The following IMMP2L variants were observed in gnomAD, a reference collection of about 807,000 sequenced individuals.
IMMP2L encodes inner mitochondrial membrane peptidase subunit 2.
A neutral mutation model predicts 19.3 loss-of-function variants in IMMP2L; 18 were observed. That is an observed-to-expected ratio of 0.93 (90% CI 0.64 to 1.38). The LOEUF (loss-of-function observed/expected upper bound fraction) is 1.38. Ranked by LOEUF, IMMP2L falls within the 40% of genes most tolerant of loss-of-function variation. IMMP2L has a pLI of 0.00. For synonymous variants in IMMP2L, 76 were observed against 73.0 expected, an observed-to-expected ratio of 1.04 and a Z score of -0.21; for missense variants, 233 against 218.2, an observed-to-expected ratio of 1.07 and a Z score of -0.43.
At chr7:110,843,440 A>G (rs1399838279) in intron 5 of IMMP2L, among the ~76,000 whole-genome samples, 1 of 152,128 alleles carries the variant, frequency 6.6e-6, no homozygotes, top group East Asian at 1.9e-4. Flanking sequence ...CTAGATAAAC[A>G]TGGGGCATTG....
chr7:111,358,082 T>C (rs753357528), intron 3 of IMMP2L, among the ~76,000 whole-genome samples: 10 of 151,234 alleles, frequency 6.6e-5, no homozygotes, highest in Non-Finnish European at 1.2e-4. Context: ...AGATTCAGAG[T>C]ACATAATCAT....
chr7:111,126,805 T>C (rs555359299), intron 3 of IMMP2L, among the ~76,000 whole-genome samples: 1 of 152,320 alleles, frequency 6.6e-6, no homozygotes, highest in East Asian at 1.9e-4. Context: ...AAATTGTTTA[T>C]CTCTCAAAGT....
intron 5 of IMMP2L, among the ~76,000 whole-genome samples, chr7:110,669,830 C>T (rs1263418120): frequency 2.6e-5 from 4 of 152,034 alleles, no homozygotes; most frequent in Non-Finnish European, 4.4e-5. Context: ...TTCTGGCAGT[C>T]CAAGGGGGTG....
intron 3 of IMMP2L, among the ~76,000 whole-genome samples, chr7:111,114,562 C>A (rs376302001): frequency 1.3e-4 from 20 of 151,622 alleles, no homozygotes; most frequent in African/African-American, 4.8e-4. Flanking sequence ...ATGGTGAAAC[C>A]CCATCTGTAC....
chr7:111,387,051 T>A (rs1197548367), intron 3 of IMMP2L, among the ~76,000 whole-genome samples: 1 of 152,188 alleles, frequency 6.6e-6, no homozygotes, highest in Non-Finnish European at 1.5e-5. Context: ...AATACTTCTA[T>A]CTATCTGTTG....
chr7:111,404,691 A>C (rs1833767725), intron 3 of IMMP2L, among the ~76,000 whole-genome samples: 1 of 152,152 alleles, frequency 6.6e-6, no homozygotes, highest in Non-Finnish European at 1.5e-5. Context: ...CACCCTAAAA[A>C]TAAAGTTTAT....
intron 3 of IMMP2L, among the ~76,000 whole-genome samples, chr7:111,129,560 T>C (rs1801653338): frequency 2.6e-5 from 4 of 152,154 alleles, no homozygotes; most frequent in African/African-American, 9.6e-5. Flanking sequence ...TGCTTCTATA[T>C]ATCATTTTAC....
At chr7:111,465,124 G>GT (rs895121585) in intron 3 of IMMP2L, among the ~76,000 whole-genome samples, 5 of 152,078 alleles carry the variant, frequency 3.3e-5, no homozygotes, top group Non-Finnish European at 5.9e-5. Context: ...ATTTTCCTAT[G>GT]TAAACTACCC....
intron 3 of IMMP2L, among the ~76,000 whole-genome samples, chr7:111,345,915 T>A (rs1324664505): frequency 6.6e-6 from 1 of 152,196 alleles, no homozygotes; most frequent in Non-Finnish European, 1.5e-5. Context: ...ACTGAATTCA[T>A]CTTCCACATC....
intron 3 of IMMP2L, among the ~76,000 whole-genome samples, chr7:111,414,095 AC>A (rs1834727666): frequency 6.6e-6 from 1 of 151,720 alleles, no homozygotes; most frequent in African/African-American, 2.4e-5. Flanking sequence ...TTTGCAGTGA[AC>A]TTGACCCCCT....
chr7:111,058,589 G>A (rs1793725974), intron 3 of IMMP2L, among the ~76,000 whole-genome samples: 1 of 152,108 alleles, frequency 6.6e-6, no homozygotes, highest in African/African-American at 2.4e-5. Context: ...GATGATTAGA[G>A]ATGAAAGAAT....
intron 1 of IMMP2L, among the ~76,000 whole-genome samples, chr7:111,524,157 C>G (rs1182495296): frequency 6.6e-6 from 1 of 152,022 alleles, no homozygotes; most frequent in African/African-American, 2.4e-5. Flanking sequence ...TCTGAAAACA[C>G]TTCTAACCAC....
intron 3 of IMMP2L, among the ~76,000 whole-genome samples, chr7:111,224,923 C>G (rs1283119359): frequency 6.6e-6 from 1 of 151,976 alleles, no homozygotes; most frequent in East Asian, 1.9e-4. Flanking sequence ...AATCTTAGTT[C>G]CATTATATCT....
intron 5 of IMMP2L, among the ~76,000 whole-genome samples, chr7:110,703,667 T>C (rs1794445133): frequency 1.3e-5 from 2 of 152,146 alleles, no homozygotes; most frequent in Admixed American, 1.3e-4. Context: ...ACAGTATCAT[T>C]GGAAGCAGAA....
chr7:111,101,050 C>T lies in IMMP2L; in HGVS notation c.240-137485G>A, dbSNP rs191539128. Among the ~76,000 whole-genome samples the T allele has an allele frequency of 3.2e-3, 478 of 151,582 alleles. 6 individuals carry two copies. The highest frequency in any genetic ancestry group is 0.029 in the Admixed American group (442 of 15,144). ...ATGGTAACTCCTCCTCCTTGATCAC[C>T]ACATTCTGCCTCCACACCTGCTAGC... On this transcript the variant is annotated intron_variant, in intron 3 of 5. Coordinates refer to ENST00000405709, the MANE Select transcript of IMMP2L (RefSeq NM_032549.4).
chr7:111,266,097 C>G (rs1195818860), intron 3 of IMMP2L, among the ~76,000 whole-genome samples: 1 of 152,154 alleles, frequency 6.6e-6, no homozygotes, highest in African/African-American at 2.4e-5. Flanking sequence ...ATTTTACTTA[C>G]TTAGTTTATT....
At chr7:111,040,490 G>T (rs1791788492) in intron 3 of IMMP2L, among the ~76,000 whole-genome samples, 1 of 151,656 alleles carries the variant, frequency 6.6e-6, no homozygotes, top group South Asian at 2.1e-4. Flanking sequence ...AACAATTACA[G>T]CAAAGGGAGT....
chr7:111,182,418 G>A (rs1033365922), intron 3 of IMMP2L, among the ~76,000 whole-genome samples: 1 of 151,862 alleles, frequency 6.6e-6, no homozygotes, highest in East Asian at 1.9e-4. Context: ...TTGCCTCAGA[G>A]CCCAGTCCCC....
chr7:110,700,781 A>G (rs565679713), intron 5 of IMMP2L, among the ~76,000 whole-genome samples: 57 of 152,348 alleles, frequency 3.7e-4, no homozygotes, highest in African/African-American at 1.3e-3. Context: ...AACTCCACTC[A>G]TTAATTCTAA....
Sources: gnomAD v4.1 joint callset for allele counts (sites outside exome capture counted in the v4.1 genomes callset) on GRCh38, gnomAD v4.1.1 for gene constraint, MANE v1.5 for transcripts, NCBI Gene and HGNC (gene_info 2026-07-23, HGNC 2026-07-21) for gene names.